Variants in LRMDA observed in about 807,000 individuals in gnomAD.
LRMDA encodes the protein leucine-rich melanocyte differentiation-associated protein.
LRMDA carries 18 observed loss-of-function variants against 29.8 expected under a neutral mutation model. That is an observed-to-expected ratio of 0.60 (90% confidence interval 0.42 to 0.90). The LOEUF is 0.90. LRMDA is among the 40% of genes least tolerant of loss of function. The pLI is 0.00. For missense variants in LRMDA, 273 were observed against 273.9 expected (o/e 1.00, Z 0.02); for synonymous variants, 125 against 109.4 (o/e 1.14, Z -0.89).
intron 2 of LRMDA, among the ~76,000 whole-genome samples, chr10:75,986,358 G>A (rs1306254789): frequency 6.6e-6 from 1 of 152,208 alleles, no homozygotes; most frequent in Non-Finnish European, 1.5e-5. Context: ...ATTGACTTAG[G>A]TGTTTCGTGG....
chr10:75,928,130 T>C (rs1365769358), intron 2 of LRMDA, among the ~76,000 whole-genome samples: 3 of 152,098 alleles, frequency 2.0e-5, no homozygotes, highest in African/African-American at 7.2e-5. Flanking sequence ...CACGGTTGGC[T>C]ATGGAGCCTG....
chr10:76,522,298 C>T (rs1320974178), intron 6 of LRMDA, among the ~76,000 whole-genome samples: 1 of 152,094 alleles, frequency 6.6e-6, no homozygotes, highest in African/African-American at 2.4e-5. Flanking sequence ...AAACTGGTGT[C>T]CTAGGATGCT....
intron 2 of LRMDA, among the ~76,000 whole-genome samples, chr10:75,747,527 A>G (rs1485247221): frequency 6.6e-6 from 1 of 152,232 alleles, no homozygotes; most frequent in African/African-American, 2.4e-5. Flanking sequence ...CCCTAAAGAG[A>G]TAACTGGGAT....
intron 2 of LRMDA, among the ~76,000 whole-genome samples, chr10:75,741,927 C>G (rs1011282870): frequency 1.3e-5 from 2 of 152,088 alleles, no homozygotes; most frequent in African/African-American, 4.8e-5. Flanking sequence ...GATTAGTACC[C>G]TTATAAAAGG....
chr10:75,742,803 G>A (rs1475420064), intron 2 of LRMDA: 5 of 152,338 alleles, frequency 3.3e-5, no homozygotes, highest in East Asian at 1.9e-4. Flanking sequence ...AGACCAACTC[G>A]ATCAGATTTC....
intron 6 of LRMDA, among the ~76,000 whole-genome samples, chr10:76,484,157 C>A (rs1842759110): frequency 6.6e-6 from 1 of 151,270 alleles, no homozygotes; most frequent in African/African-American, 2.4e-5. Context: ...CTTGTCCCAT[C>A]CTCCTTCTTC....
intron 5 of LRMDA, among the ~76,000 whole-genome samples, chr10:76,272,406 G>A (rs914845644): frequency 1.3e-5 from 2 of 152,150 alleles, no homozygotes; most frequent in Non-Finnish European, 1.5e-5. Context: ...GGAATCCATG[G>A]TCTGTGAGGA....
chr10:76,512,640 A>G (rs533222072), intron 6 of LRMDA, among the ~76,000 whole-genome samples: 1 of 152,342 alleles, frequency 6.6e-6, no homozygotes, highest in African/African-American at 2.4e-5. Context: ...AAAACATAGG[A>G]GTAAGTCTTC....
intron 2 of LRMDA, among the ~76,000 whole-genome samples, chr10:75,831,051 T>C (rs550748568): frequency 6.6e-6 from 1 of 151,628 alleles, no homozygotes; most frequent in Admixed American, 6.6e-5. Flanking sequence ...GTCAAATCTT[T>C]TTTTTTTTTT....
chr10:75,803,342 A>T (rs1004603), intron 2 of LRMDA, among the ~76,000 whole-genome samples: 57,203 of 152,120 alleles, frequency 0.38, 12,686 homozygotes, highest in South Asian at 0.52. Flanking sequence ...CACAGGTCTC[A>T]TGATCAGATG....
intron 6 of LRMDA, among the ~76,000 whole-genome samples, chr10:76,396,231 A>G (rs1230298282): frequency 6.6e-6 from 1 of 152,230 alleles, no homozygotes; most frequent in Admixed American, 6.5e-5. Context: ...AGTGGGGGAC[A>G]GAAGAAAAGA....
chr10:76,261,367 C>T (rs545425579), intron 5 of LRMDA, among the ~76,000 whole-genome samples: 8 of 152,090 alleles, frequency 5.3e-5, no homozygotes, highest in Non-Finnish European at 7.4e-5. Flanking sequence ...CTACTGCGCC[C>T]GGCTGGCTTG....
chr10:75,937,025 T>C (rs962434970), intron 2 of LRMDA, among the ~76,000 whole-genome samples: 1 of 152,220 alleles, frequency 6.6e-6, no homozygotes. Flanking sequence ...TTCTGTTTAC[T>C]GGGTAAAAAT....
intron 2 of LRMDA, among the ~76,000 whole-genome samples, chr10:75,647,108 G>C (rs536082295): frequency 9.2e-5 from 14 of 152,202 alleles, no homozygotes; most frequent in Admixed American, 3.3e-4. Flanking sequence ...GACCTCCCCG[G>C]CTCTTGCTGC....
At chr10:75,636,952 A>G (rs745865523) in intron 2 of LRMDA, among the ~76,000 whole-genome samples, 1 of 152,242 alleles carries the variant, frequency 6.6e-6, no homozygotes, top group African/African-American at 2.4e-5. Context: ...AACTGAAGGG[A>G]AAGTATCTAT....
intron 2 of LRMDA, among the ~76,000 whole-genome samples, chr10:75,897,005 G>C (rs960106604): frequency 6.6e-6 from 1 of 152,104 alleles, no homozygotes; most frequent in Non-Finnish European, 1.5e-5. Context: ...GTAATTTTGT[G>C]TCAGGCTTCT....
chr10:76,047,757 T>C (rs960264107), intron 4 of LRMDA, among the ~76,000 whole-genome samples: 9 of 152,222 alleles, frequency 5.9e-5, no homozygotes, highest in African/African-American at 9.6e-5. Context: ...CTGTGGTCTG[T>C]CTCAGAGTCA....
intron 2 of LRMDA, among the ~76,000 whole-genome samples, chr10:75,596,951 CTT>C (rs1181866479): frequency 4.0e-5 from 6 of 148,798 alleles, no homozygotes; most frequent in South Asian, 2.1e-4. Flanking sequence ...TTCTTTCTTT[CTT>C]TCTTTTTTTT....
intron 2 of LRMDA, among the ~76,000 whole-genome samples, chr10:76,031,515 C>G (rs921488484): frequency 6.6e-6 from 1 of 152,106 alleles, no homozygotes; most frequent in East Asian, 1.9e-4. Context: ...GAGGCAGTAC[C>G]GAGCCCTCAC....
Sources: allele counts gnomAD v4.1 joint callset (sites outside exome capture counted in the v4.1 genomes callset), GRCh38; gene constraint gnomAD v4.1.1; transcripts MANE v1.5; gene names NCBI Gene and HGNC (gene_info 2026-07-23, HGNC 2026-07-21).